The following DQX1 variants were observed in gnomAD, a reference collection of about 807,000 sequenced individuals.
DQX1 encodes the protein DEAQ-box RNA dependent ATPase 1, also known as ATP-dependent RNA helicase homolog DQX1.
A neutral mutation model predicts 81.3 loss-of-function variants in DQX1; 66 were observed. The observed-to-expected ratio is 0.81, with a 90% CI of 0.67 to 1.00. The LOEUF (loss-of-function observed/expected upper bound fraction) is 1.00. DQX1 is among the 50% of genes least tolerant of loss of function. The probability of loss-of-function intolerance (pLI) is 0.00; values close to 1 mark genes in which losing one functional copy is unlikely to be tolerated. For missense variants in DQX1, 798 were observed against 867.9 expected (o/e 0.92, Z 1.01); for synonymous variants, 290 against 350.0 (o/e 0.83, Z 1.91).
At position 74,518,495 on chromosome 2, in the gene DQX1, C is replaced by T. The variant is rs1402854500; in HGVS notation, c.2105G>A (p.Ser702Asn). ...REGMADSTAG[S>N]KSSSAQEFRD... The stretch of plus-strand genomic sequence containing the variant: ...GAACTCCTGGGCTGAGGATGATTTG[C>T]TCCCTGCTGTAGAATCTGCCATTCC... The change falls in exon 12 of 12, where the codon AGC becomes AAC. Residue 702 changes from serine to asparagine, a missense_variant. Coordinates refer to ENST00000404568, the MANE Select transcript of DQX1 (RefSeq NM_133637.3). The T allele has an allele frequency of 6.2e-7, 1 of 1,614,250 alleles. No homozygotes were observed. Among genetic ancestry groups the T allele is most frequent in the African/African-American group, 1.3e-5 (1 of 75,066 alleles).
In DQX1 at chr2:74,518,372, G is replaced by C. The variant is rs945716170; in HGVS notation, c.*74C>G. 21 of 1,549,982 alleles carry C rather than the reference G, an allele frequency of 1.4e-5. No individual in the cohort carries two copies. The highest frequency in any genetic ancestry group is 1.8e-5 in the Non-Finnish European group (21 of 1,140,738). On this transcript the variant is annotated 3_prime_UTR_variant, in exon 12 of 12. Transcript: ENST00000404568. ...AACTTTGGGCTTCTAAATCTGTCTG[G>C]GTGCTTTGGTGTCACCCTGAGGGAT...
chr2:74,520,397 G>C (rs1474988505), intron 8 of DQX1, among the ~76,000 whole-genome samples: 10 of 152,332 alleles, frequency 6.6e-5, no homozygotes, highest in African/African-American at 2.4e-4. Flanking sequence ...GCTAGTATTT[G>C]AAATTTGAGT....
intron 8 of DQX1, among the ~76,000 whole-genome samples, chr2:74,520,653 AGTT>A (rs1316970901): frequency 6.6e-6 from 1 of 151,698 alleles, no homozygotes; most frequent in Non-Finnish European, 1.5e-5. Context: ...GTAGAGGAAG[AGTT>A]GTGGGGTTTT....
Position 74,525,051 on chromosome 2 carries a change from C to T in DQX1, c.389G>A (p.Ser130Asn), listed in dbSNP as rs758005080. Residue 130 changes from serine (S) to asparagine (N), a missense_variant, in exon 3 of 12, where the codon AGC becomes AAC. Ser to Asn is a conservative substitution (Grantham distance 46). Transcript: ENST00000404568. This position sits in a 1 kb window ranked among gnomAD's most constrained non-coding sequence, Gnocchi z 4.1. Reference protein sequence around the residue: ...DLTLGHEVGYSIPQEDCTGPN... With the variant: ...DLTLGHEVGYNIPQEDCTGPN... ...CCCCGTGCAGTCCTCCTGGGGGATG[C>T]TGTATCCAACCTCATGACCCAGGGT... 7 of 1,614,130 alleles carry T rather than the reference C, an allele frequency of 4.3e-6. No homozygotes were observed. The Admixed American group carries it at 1.2e-4, about 27-fold the overall frequency.
intron 3 of DQX1, 99 bp downstream of exon 3, chr2:74,524,910 G>A: frequency 1.5e-6 from 2 of 1,377,786 alleles, no homozygotes; most frequent in Non-Finnish European, 2.0e-6. Context: ...AAAAGAGTGA[G>A]TTGGGCTAAG....
At chr2:74,521,572 C>T (rs1675022956) in intron 8 of DQX1, among the ~76,000 whole-genome samples, 1 of 151,710 alleles carries the variant, frequency 6.6e-6, no homozygotes, top group African/African-American at 2.4e-5. Context: ...ATTGCTTGAA[C>T]CAGGCAGACA....
At position 74,525,018 on chromosome 2, in the gene DQX1, G is replaced by A. The variant is rs1328456516; in HGVS notation, c.422C>T (p.Thr141Ile). Residue 141 changes from threonine (T) to isoleucine (I), a missense_variant, in exon 3 of 12, where the codon ACC (threonine) becomes ATC (isoleucine). Physicochemically the swap from Thr to Ile is moderately conservative, Grantham distance 89 (BLOSUM62 -1). Transcript: ENST00000404568. This position sits in a 1 kb window ranked among gnomAD's most constrained non-coding sequence, Gnocchi z 4.1. The stretch of plus-strand genomic sequence containing the variant: ...CTGCAGAGGCCCCCACCTGAGCAGG[G>A]TGTTGGGCCCCGTGCAGTCCTCCTG... ...IPQEDCTGPNTLLRFCWDRLL... is the reference protein window; with the variant it reads ...IPQEDCTGPNILLRFCWDRLL... The A allele has an allele frequency of 6.2e-7, 1 of 1,613,902 alleles. No homozygotes were observed.
At position 74,525,394 on chromosome 2, in the gene DQX1, C is replaced by A; in HGVS notation, c.237+99G>T. 1 of 1,342,630 alleles carries A rather than the reference C, an allele frequency of 7.4e-7. No individual in the cohort carries two copies. The highest frequency in any genetic ancestry group is 1.0e-6 in the Non-Finnish European group (1 of 980,980). The allele number at this position is 1,342,630 out of a possible 1,614,324, so 83.2% of individuals were successfully genotyped here. On this transcript the variant is annotated intron_variant, in intron 2 of 11. Transcript: ENST00000404568. This position sits in a 1 kb window ranked among gnomAD's most constrained non-coding sequence, Gnocchi z 4.1. ...TCCTCATGACCCCACGCAGCCCAGT[C>A]CCCCCTTGCCCAGGGAAAGGCCACT...
Position 74,522,458 on chromosome 2 carries a change from T to C in DQX1, c.1495+122A>G, listed in dbSNP as rs139985158. 547 of 1,198,378 alleles carry C rather than the reference T, an allele frequency of 4.6e-4. 1 individual carries two copies. The African/African-American group carries it at 7.9e-3, about 17-fold the overall frequency. 74.2% of individuals were successfully genotyped at this position (1,198,378 alleles called of 1,614,324 possible). On this transcript the variant is annotated intron_variant, in intron 8 of 11. Coordinates refer to ENST00000404568, the MANE Select transcript of DQX1 (RefSeq NM_133637.3). ...AGATGGGTGACTAAGCCTGGTTCTTTAGGCATTGTGAGGGGTGGCAACTGG... is the reference window on the plus strand; with the variant it reads ...AGATGGGTGACTAAGCCTGGTTCTTCAGGCATTGTGAGGGGTGGCAACTGG...
Position 74,519,128 on chromosome 2 carries a change from C to T in DQX1, c.1909G>A (p.Ala637Thr). 1 of 1,613,290 alleles carries T rather than the reference C, an allele frequency of 6.2e-7. No individual in the cohort carries two copies. Among genetic ancestry groups the T allele is most frequent in the Non-Finnish European group, 8.5e-7 (1 of 1,179,636 alleles). Residue 637 changes from alanine to threonine, a missense_variant, in exon 11 of 12, where the codon GCC becomes ACC. Ala to Thr is a moderately conservative substitution (Grantham distance 58). Transcript: ENST00000404568. Reference protein sequence around the residue: ...YCCYRSRRAPARPPPWVLYHN... With the variant: ...YCCYRSRRAPTRPPPWVLYHN... ...TAGAGCACCCATGGTGGGGGTCTGG[C>T]AGGAGCTCTGCGGCTTCGGTAGCAG...
In DQX1 at chr2:74,524,036, T is replaced by C. The variant is rs1225269692; in HGVS notation, c.703A>G (p.Ile235Val). The C allele has an allele frequency of 1.9e-5, 30 of 1,614,170 alleles. No individual in the cohort carries two copies. Among genetic ancestry groups the C allele is most frequent in the Non-Finnish European group, 2.5e-5 (29 of 1,180,024 alleles). The change falls in exon 4 of 12, where the codon ATC (isoleucine) becomes GTC (valine). Residue 235 changes from isoleucine to valine, a missense_variant. Coordinates refer to ENST00000404568, the MANE Select transcript of DQX1 (RefSeq NM_133637.3). ...TCAGGTGGGATGGTGTCCCAGTAGA[T>C]GGGGGAAGGTCTCTCACCAGGCTCT... ...PREPGERPSP[I>V]YWDTIPPDRV... is the part of the protein sequence containing the mutation.
chr2:74,525,382 A>AT lies in DQX1; in HGVS notation c.237+110_237+111insA. The AT allele has an allele frequency of 7.7e-7, 1 of 1,305,980 alleles. No individual in the cohort carries two copies. The highest frequency in any genetic ancestry group is 1.1e-6 in the Non-Finnish European group (1 of 952,018). 80.9% of individuals were successfully genotyped at this position (1,305,980 alleles called of 1,614,324 possible). A position where few individuals can be genotyped will look rare whatever the true frequency, so the allele number is the denominator to read the frequency against. On this transcript the variant is annotated intron_variant, in intron 2 of 11. Coordinates refer to ENST00000404568, the MANE Select transcript of DQX1 (RefSeq NM_133637.3). This position sits in a 1 kb window ranked among gnomAD's most constrained non-coding sequence, Gnocchi z 4.1. ...CTTCGTTCACCTTCCTCATGACCCC[A>AT]CGCAGCCCAGTCCCCCCTTGCCCAG...
At position 74,519,647 on chromosome 2, in the gene DQX1, C is replaced by T. The variant is rs753263732; in HGVS notation, c.1715G>A (p.Arg572Gln). Residue 572 changes from arginine (R) to glutamine (Q), a missense_variant, in exon 10 of 12, where the codon CGA becomes CAA. Physicochemically the swap from Arg to Gln is conservative, Grantham distance 43. Transcript: ENST00000404568. The part of the protein sequence containing the change: ...LRGELLELMQ[R>Q]IELPLSLPAF... ...TGGTAGGGACAAGGGAAGTTCAATT[C>T]GTTGCATGAGTTCTAGGAGTTCTCC... is the stretch of plus-strand genomic sequence containing the variant. 27 of 1,614,220 alleles carry T rather than the reference C, an allele frequency of 1.7e-5. No homozygotes were observed. The highest frequency in any genetic ancestry group is 8.9e-5 in the East Asian group (4 of 44,886).
intron 8 of DQX1, among the ~76,000 whole-genome samples, chr2:74,520,374 T>C (rs1361368628): frequency 1.3e-5 from 2 of 152,170 alleles, no homozygotes; most frequent in Non-Finnish European, 2.9e-5. Context: ...GAGAAAACGA[T>C]GAGGACCCTT....
rs1558603102 is a variant in DQX1, at chr2:74,524,217, C to A, written c.522G>T (p.Glu174Asp). ...WGVLVLDEAQ[E>D]RSVASDSLQG... ...GGAGTGAATCTGATGCCACCGACCG[C>A]TCCTGAGCCTCATCTAGTACCAGCA... is the stretch of plus-strand genomic sequence containing the variant. Residue 174 changes from glutamate (E) to aspartate (D), a missense_variant, in exon 4 of 12, where the codon GAG becomes GAT. Physicochemically the swap from Glu to Asp is conservative, Grantham distance 45 (BLOSUM62 2). Transcript: ENST00000404568. The A allele has an allele frequency of 6.2e-7, 1 of 1,614,148 alleles. No individual in the cohort carries two copies. The highest frequency in any genetic ancestry group is 1.7e-5 in the Admixed American group (1 of 60,022).
intron 8 of DQX1, among the ~76,000 whole-genome samples, chr2:74,521,560 G>GA (rs1235888665): frequency 2.6e-5 from 4 of 151,444 alleles, no homozygotes; most frequent in Admixed American, 6.6e-5. Flanking sequence ...TGAGGCATGA[G>GA]AATTGCTTGA....
At chr2:74,520,104 A>G (rs908936184) in intron 8 of DQX1, 70 bp from the exon 9 acceptor site, 1 of 1,565,238 alleles carries the variant, frequency 6.4e-7, no homozygotes, top group Non-Finnish European at 8.7e-7. Context: ...TACAGGTAGA[A>G]TGCTGAAAAG....
Position 74,522,989 on chromosome 2 carries a change from C to T in DQX1, c.1170G>A (p.Lys390=), listed in dbSNP as rs1675070078. 2.0e-5 allele frequency: 33 copies of T among 1,614,042 alleles called. No individual in the cohort carries two copies. The East Asian group carries it at 7.1e-4, about 35-fold the overall frequency. ...PPGSCLCLYP[K]SFLELEAPPL... is the part of the protein sequence containing the mutation. ...GTGGAGCTTCTAGTTCTAAGAAGGA[C>T]TTAGGATACAGGCAGAGGCAGGATC... Residue 390 remains lysine (K), a synonymous_variant, in exon 7 of 12, where the codon AAG becomes AAA. Coordinates refer to ENST00000404568, the MANE Select transcript of DQX1 (RefSeq NM_133637.3).
At chr2:74,520,101 A>G (rs1409638100) in intron 8 of DQX1, 67 bp from the exon 9 acceptor site, 1 of 1,568,496 alleles carries the variant, frequency 6.4e-7, no homozygotes, top group East Asian at 2.3e-5. Context: ...TAGTACAGGT[A>G]GAATGCTGAA....
Sources: gnomAD v4.1 joint callset for allele counts (sites outside exome capture counted in the v4.1 genomes callset) on GRCh38, gnomAD v4.1.1 for gene constraint, Gnocchi (gnomAD v3.1) non-coding constraint, MANE v1.5 for transcripts, NCBI Gene and HGNC (gene_info 2026-07-23, HGNC 2026-07-21) for gene names.